KLHL29: variants seen among roughly 807,000 people sequenced by gnomAD.
The protein encoded by KLHL29 is kelch-like protein 29.
In KLHL29, 21 loss-of-function variants were observed where a neutral mutation model predicts 80.4. That is an observed-to-expected ratio of 0.26 (90% CI 0.19 to 0.38). KLHL29 has a LOEUF of 0.38. KLHL29 is among the 10% of genes least tolerant of loss of function. The pLI, the probability that KLHL29 is intolerant of heterozygous loss-of-function variation, is 1.00. For missense variants in KLHL29, 867 were observed against 1,223.9 expected (o/e 0.71, Z 4.35); for synonymous variants, 511 against 526.8 (o/e 0.97, Z 0.41).
chr2:23,603,787 G>T (rs1417093240), intron 3 of KLHL29, among the ~76,000 whole-genome samples: 2 of 152,220 alleles, frequency 1.3e-5, no homozygotes, highest in Non-Finnish European at 1.5e-5. Context: ...AGAGGCCCTG[G>T]TGCAGCTGCA....
chr2:23,610,519 G>C (rs150738773), intron 3 of KLHL29, among the ~76,000 whole-genome samples: 1 of 152,160 alleles, frequency 6.6e-6, no homozygotes, highest in Non-Finnish European at 1.5e-5. Flanking sequence ...CCTCAGTTCC[G>C]CACTTCCCCA....
intron 2 of KLHL29, chr2:23,524,191 AG>A: frequency 3.0e-6 from 1 of 338,802 alleles, no homozygotes; most frequent in Non-Finnish European, 6.0e-6. Context: ...GTGCTGTGCT[AG>A]GGAGTGGCAG....
chr2:23,675,872 A>G (rs1473649417), intron 5 of KLHL29, among the ~76,000 whole-genome samples: 1 of 152,174 alleles, frequency 6.6e-6, no homozygotes, highest in Non-Finnish European at 1.5e-5. Context: ...AAATAGTTCC[A>G]GTGGATCACA....
chr2:23,513,660 A>G (rs1665841480), intron 2 of KLHL29, among the ~76,000 whole-genome samples: 1 of 152,200 alleles, frequency 6.6e-6, no homozygotes, highest in Non-Finnish European at 1.5e-5. Flanking sequence ...TCAGCTGGTT[A>G]CGAGTCTCCT....
chr2:23,484,877 A>G (rs566888604), intron 2 of KLHL29, among the ~76,000 whole-genome samples: 1 of 151,838 alleles, frequency 6.6e-6, no homozygotes, highest in Non-Finnish European at 1.5e-5. Context: ...TTCATATCCC[A>G]CCTTGGGGCA....
At chr2:23,502,241 A>G (rs191935046) in intron 2 of KLHL29, among the ~76,000 whole-genome samples, 23 of 152,344 alleles carry the variant, frequency 1.5e-4, no homozygotes, top group Non-Finnish European at 2.6e-4. Context: ...CTTGCATGCA[A>G]TTGTGCCCGC....
intron 5 of KLHL29, among the ~76,000 whole-genome samples, chr2:23,674,215 G>A (rs902493970): frequency 3.9e-5 from 6 of 152,134 alleles, no homozygotes; most frequent in Non-Finnish European, 8.8e-5. Flanking sequence ...CACACGTGCC[G>A]ATTTCCATGT....
chr2:23,564,408 C>G (rs1453020361), intron 3 of KLHL29, among the ~76,000 whole-genome samples: 1 of 152,200 alleles, frequency 6.6e-6, no homozygotes, highest in African/African-American at 2.4e-5. Context: ...AAAGTTCATT[C>G]CTGTGAGGAC....
intron 4 of KLHL29, among the ~76,000 whole-genome samples, chr2:23,640,936 G>A (rs538877432): frequency 1.8e-4 from 27 of 152,104 alleles, no homozygotes; most frequent in Admixed American, 1.2e-3. Context: ...CCACCTCGGC[G>A]CCATTTTCTT....
At chr2:23,417,703 C>G (rs777818493) in intron 1 of KLHL29, among the ~76,000 whole-genome samples, 24 of 152,170 alleles carry the variant, frequency 1.6e-4, no homozygotes, top group Non-Finnish European at 2.1e-4. Flanking sequence ...CTTTCTCTCC[C>G]CTCCAGCCTC....
intron 3 of KLHL29, among the ~76,000 whole-genome samples, chr2:23,622,714 C>T (rs991757258): frequency 1.3e-5 from 2 of 152,218 alleles, no homozygotes; most frequent in African/African-American, 2.4e-5. Context: ...TTAGGACGCC[C>T]GCTGAGCATT....
rs1193036590 is a variant in KLHL29, at chr2:23,439,189, AT to A, written c.-153-36369del. Reference sequence around the variant, plus strand: ...TATCATTTTTTATCGTGTCTATTTGATTCTTCTCTCTTTTTTTCTTTATTAG... The same window carrying A: ...TATCATTTTTTATCGTGTCTATTTGATCTTCTCTCTTTTTTTCTTTATTAG... On this transcript the variant is annotated intron_variant, in intron 1 of 13. Transcript: ENST00000486442. Among the ~76,000 whole-genome samples, 20 of 150,104 alleles carry A rather than the reference AT, an allele frequency of 1.3e-4. No homozygotes were observed. In the South Asian group the frequency reaches 4.2e-3, roughly 32 times the overall value.
intron 3 of KLHL29, among the ~76,000 whole-genome samples, chr2:23,618,582 G>C (rs1669082602): frequency 6.6e-6 from 1 of 152,180 alleles, no homozygotes; most frequent in African/African-American, 2.4e-5. Flanking sequence ...TCTCAAGCCT[G>C]CAGGCTTTTG....
intron 3 of KLHL29, among the ~76,000 whole-genome samples, chr2:23,585,045 T>C (rs1668084471): frequency 6.6e-6 from 1 of 152,182 alleles, no homozygotes; most frequent in South Asian, 2.1e-4. Context: ...CTACTCAGTC[T>C]TTAAAATAAG....
In KLHL29 at chr2:23,696,341, G is replaced by A. The variant is rs1466630474; in HGVS notation, c.1933G>A (p.Glu645Lys). The A allele has an allele frequency of 6.4e-7, 1 of 1,551,556 alleles. No homozygotes were observed. The highest frequency in any genetic ancestry group is 8.7e-7 in the Non-Finnish European group (1 of 1,146,956). ...TCCCACACTGCCTCCAGGTGGGATG[G>A]AATCAGGGGTGACGCTGGCTGATGT... ...GDNIYLSGGM[E>K]SGVTLADVWC... is the part of the protein sequence containing the mutation. The change falls in exon 11 of 14, where the codon GAA (glutamate) becomes AAA (lysine). Residue 645 changes from glutamate to lysine, a missense_variant. By Grantham distance (56) the Glu-to-Lys change is moderately conservative (BLOSUM62 1). Coordinates refer to ENST00000486442, the MANE Select transcript of KLHL29 (RefSeq NM_052920.2). This position sits in a 1 kb window ranked among gnomAD's most constrained non-coding sequence, Gnocchi z 5.5.
Position 23,570,746 on chromosome 2 carries a change from G to C in KLHL29, c.285+8265G>C, listed in dbSNP as rs371288283. 3.9e-4 allele frequency among the ~76,000 whole-genome samples: 59 copies of C among 152,344 alleles called. No individual in the cohort carries two copies. The South Asian group carries it at 0.012, about 31-fold the overall frequency. On this transcript the variant is annotated intron_variant, in intron 3 of 13. Transcript: ENST00000486442. ...GACAGTCGGCTAGGGTAGGGAATGG[G>C]GGAATCCTGCTGGGGTGTCCCAATT...
intron 1 of KLHL29, among the ~76,000 whole-genome samples, chr2:23,422,733 G>A (rs997797935): frequency 2.0e-5 from 3 of 150,796 alleles, no homozygotes; most frequent in Non-Finnish European, 3.0e-5. Flanking sequence ...AGCGGGCAGT[G>A]CCCGTGTGTG....
rs1385209480 is a variant in KLHL29 at position 23,642,930 on chromosome 2, G to A, written c.940+80G>A. The A allele has an allele frequency of 3.3e-6, 5 of 1,496,470 alleles. No homozygotes were observed. The African/African-American group carries it at 4.2e-5, about 13-fold the overall frequency. 92.7% of individuals were successfully genotyped at this position (1,496,470 alleles called of 1,614,324 possible). A position where few individuals can be genotyped will look rare whatever the true frequency, so the allele number is the denominator to read the frequency against. On this transcript the variant is annotated intron_variant, in intron 5 of 13. Transcript: ENST00000486442. ...CGGTCACTGCAACACCACCGGGACA[G>A]GGGGTGCTTCATGCCAGCTCCTTCA... is the stretch of plus-strand genomic sequence containing the variant.
intron 2 of KLHL29, among the ~76,000 whole-genome samples, chr2:23,488,162 G>C (rs777203146): frequency 2.6e-5 from 4 of 152,214 alleles, no homozygotes; most frequent in South Asian, 2.1e-4. Context: ...GGTGGGCTTC[G>C]CAATAACACA....
Sources: gnomAD v4.1 joint callset for allele counts (sites outside exome capture counted in the v4.1 genomes callset) on GRCh38, gnomAD v4.1.1 for gene constraint, Gnocchi (gnomAD v3.1) non-coding constraint, MANE v1.5 for transcripts, NCBI Gene and HGNC (gene_info 2026-07-23, HGNC 2026-07-21) for gene names.